AADACL4: variants seen among roughly 807,000 people sequenced by gnomAD.
AADACL4 encodes the protein arylacetamide deacetylase-like 4.
Under a neutral mutation model 14.1 loss-of-function variants are expected in AADACL4, and 9 were observed. That is an observed-to-expected ratio of 0.64 (90% CI 0.39 to 1.12). The LOEUF (loss-of-function observed/expected upper bound fraction) is 1.12, where lower values mean the gene tolerates loss of function less well. Ranked by LOEUF, AADACL4 falls within the 50% of genes most tolerant of loss-of-function variation. The pLI, the probability that AADACL4 is intolerant of heterozygous loss-of-function variation, is 0.01. For synonymous variants in AADACL4, 188 were observed against 201.6 expected, an observed-to-expected ratio of 0.93 and a Z score of 0.57; for missense variants, 531 against 516.1, an observed-to-expected ratio of 1.03 and a Z score of -0.28.
At chr1:12,664,403 C>T (rs1420228646) in intron 3 of AADACL4, among the ~76,000 whole-genome samples, 1 of 150,928 alleles carries the variant, frequency 6.6e-6, no homozygotes, top group Non-Finnish European at 1.5e-5. Context: ...GAGTCTCACT[C>T]TCTCCCAGGC....
At chr1:12,655,179 T>G (rs1257384464) in intron 2 of AADACL4, among the ~76,000 whole-genome samples, 1 of 152,196 alleles carries the variant, frequency 6.6e-6, no homozygotes, top group Non-Finnish European at 1.5e-5. Context: ...GGTCCTAGCC[T>G]GCAGTTCAGG....
intron 2 of AADACL4, among the ~76,000 whole-genome samples, chr1:12,658,139 C>CCTTCCTTCCTTCCTTT (rs1439797569): frequency 4.9e-4 from 42 of 84,926 alleles, no homozygotes; most frequent in South Asian, 1.0e-3. Context: ...TTCCTTCCTT[C>CCTTCCTTCCTTCCTTT]CTTTCTTTCT....
chr1:12,666,825 G>A lies in AADACL4; in HGVS notation c.*90G>A, dbSNP rs1647351785. ...AGTGAGTTCTATTTTATTGACTAAAGAGGTGCTACATCAATGCTTGGGGCA... is the reference window on the plus strand; with the variant it reads ...AGTGAGTTCTATTTTATTGACTAAAAAGGTGCTACATCAATGCTTGGGGCA... On this transcript the variant is annotated 3_prime_UTR_variant, in exon 4 of 4. Transcript: ENST00000376221. 7.6e-7 allele frequency: 1 copy of A among 1,319,300 alleles called. No individual in the cohort carries two copies. The highest frequency in any genetic ancestry group is 1.0e-6 in the Non-Finnish European group (1 of 968,348). The allele number at this position is 1,319,300 out of a possible 1,614,324, so 81.7% of individuals were successfully genotyped here. A position where few individuals can be genotyped will look rare whatever the true frequency, so the allele number is the denominator to read the frequency against.
Position 12,644,423 on chromosome 1 carries a change from G to GGT in AADACL4, c.-121_-120dup. 9.1e-7 allele frequency: 1 copy of GGT among 1,104,000 alleles called. No homozygotes were observed. The highest frequency in any genetic ancestry group is 2.4e-5 in the East Asian group (1 of 41,240). 68.4% of individuals were successfully genotyped at this position (1,104,000 alleles called of 1,614,324 possible). ...GAAGCTGTGTCAGGCCACTGTGTCAGGTGTCAGGCTTAGCCCAGAGAGAGT... is the reference window on the plus strand; with the variant it reads ...GAAGCTGTGTCAGGCCACTGTGTCAGGTGTGTCAGGCTTAGCCCAGAGAGAGT... On this transcript the variant is annotated 5_prime_UTR_variant, in exon 1 of 4. Transcript: ENST00000376221.
At chr1:12,658,134 TC>T (rs1647196374) in intron 2 of AADACL4, among the ~76,000 whole-genome samples, 3 of 133,396 alleles carry the variant, frequency 2.2e-5, no homozygotes, top group African/African-American at 1.1e-4. Flanking sequence ...CTTCCTTCCT[TC>T]CTTCCTTTCT....
intron 2 of AADACL4, 23 bp from the exon 3 acceptor site, chr1:12,661,768 C>T: frequency 1.2e-6 from 2 of 1,612,652 alleles, no homozygotes; most frequent in South Asian, 1.1e-5. Context: ...TGCGCTGCTG[C>T]TCTGAGTGTT....
Position 12,666,642 on chromosome 1 carries a change from C to A in AADACL4, c.1131C>A (p.His377Gln), listed in dbSNP as rs368235693. 6.2e-7 allele frequency: 1 copy of A among 1,614,186 alleles called. No homozygotes were observed. Among genetic ancestry groups the A allele is most frequent in the Non-Finnish European group, 8.5e-7 (1 of 1,180,038 alleles). ...GGTACCACCTGTATGATGGTTTTCA[C>A]GGATCCATTATCTTTTTTGATAAGA... Reference protein sequence around the residue: ...VTWYHLYDGFHGSIIFFDKKA... With the variant: ...VTWYHLYDGFQGSIIFFDKKA... Residue 377 changes from histidine (H) to glutamine (Q), a missense_variant, in exon 4 of 4, where the codon CAC becomes CAA. Coordinates refer to ENST00000376221, the MANE Select transcript of AADACL4 (RefSeq NM_001013630.2).
chr1:12,657,140 CAAAAA>C (rs59777423), intron 2 of AADACL4, among the ~76,000 whole-genome samples: 1 of 51,118 alleles, frequency 2.0e-5, no homozygotes, highest in African/African-American at 6.2e-5. Flanking sequence ...AAGACTGTCT[CAAAAA>C]AAAAAAAAAA....
At chr1:12,650,470 A>G (rs2100759221) in intron 1 of AADACL4, among the ~76,000 whole-genome samples, 2 of 151,790 alleles carry the variant, frequency 1.3e-5, no homozygotes, top group South Asian at 4.2e-4. Context: ...GGCTGGGGAG[A>G]GTCCAGCACA....
At chr1:12,659,128 A>T (rs1355351086) in intron 2 of AADACL4, among the ~76,000 whole-genome samples, 1 of 152,186 alleles carries the variant, frequency 6.6e-6, no homozygotes, top group East Asian at 1.9e-4. Flanking sequence ...TTCTCCCGGT[A>T]CATAACTTCC....
chr1:12,647,947 T>C (rs557795709), intron 1 of AADACL4, among the ~76,000 whole-genome samples: 2 of 150,772 alleles, frequency 1.3e-5, no homozygotes, highest in East Asian at 4.0e-4. Context: ...CATGAGCCAC[T>C]GTGCCCAGCC....
chr1:12,660,982 G>T (rs756592042), intron 2 of AADACL4, among the ~76,000 whole-genome samples: 1 of 152,122 alleles, frequency 6.6e-6, no homozygotes, highest in Non-Finnish European at 1.5e-5. Context: ...TGCAGCCAGG[G>T]CTGAGACCTA....
At chr1:12,652,318 C>A (rs971798319) in intron 2 of AADACL4, among the ~76,000 whole-genome samples, 6 of 152,194 alleles carry the variant, frequency 3.9e-5, no homozygotes, top group African/African-American at 7.2e-5. Flanking sequence ...TTCTCACCAC[C>A]GTTCTCTACC....
chr1:12,661,578 A>G (rs1647229295), intron 2 of AADACL4, among the ~76,000 whole-genome samples: 1 of 152,102 alleles, frequency 6.6e-6, no homozygotes, highest in Non-Finnish European at 1.5e-5. Context: ...GTGAGCCCCA[A>G]GGTGAATTTG....
intron 1 of AADACL4, among the ~76,000 whole-genome samples, chr1:12,646,607 C>A (rs149846281): frequency 1.3e-5 from 2 of 152,112 alleles, no homozygotes; most frequent in Non-Finnish European, 2.9e-5. Context: ...GGGTTAGAGC[C>A]CCAGGATTTA....
intron 2 of AADACL4, among the ~76,000 whole-genome samples, chr1:12,656,800 C>T (rs1307249137): frequency 1.3e-5 from 2 of 152,140 alleles, no homozygotes; most frequent in South Asian, 2.1e-4. Flanking sequence ...TTTTACCCTA[C>T]CACCCTCATT....
intron 1 of AADACL4, among the ~76,000 whole-genome samples, chr1:12,647,391 G>T (rs1647118329): frequency 6.6e-6 from 1 of 152,016 alleles, no homozygotes; most frequent in Admixed American, 6.6e-5. Context: ...GAACCACTGT[G>T]CACGGCCCTG....
intron 2 of AADACL4, among the ~76,000 whole-genome samples, chr1:12,657,362 A>T (rs1203948163): frequency 2.0e-5 from 3 of 152,072 alleles, no homozygotes; most frequent in Admixed American, 2.0e-4. Flanking sequence ...TTGGAGCGGG[A>T]CTTACCAATT....
intron 3 of AADACL4, 115 bp downstream of exon 3, chr1:12,661,969 T>C (rs1189181959): frequency 8.6e-7 from 1 of 1,156,848 alleles, no homozygotes; most frequent in South Asian, 1.3e-5. Flanking sequence ...CTCTTGGACA[T>C]GCATCCACAG....
Sources: gnomAD v4.1 joint callset for allele counts (sites outside exome capture counted in the v4.1 genomes callset) on GRCh38, gnomAD v4.1.1 for gene constraint, MANE v1.5 for transcripts, NCBI Gene and HGNC (gene_info 2026-07-23, HGNC 2026-07-21) for gene names.